The following PIK3C2G variants were observed in gnomAD, a reference collection of about 807,000 sequenced individuals.
PIK3C2G encodes phosphatidylinositol-4-phosphate 3-kinase catalytic subunit type 2 gamma.
In PIK3C2G, 168 loss-of-function variants were observed where a neutral mutation model predicts 181.1. The ratio of observed to expected loss-of-function variants is 0.93; its 90% CI spans 0.82 to 1.05. The LOEUF (loss-of-function observed/expected upper bound fraction) is 1.05. Ranked by LOEUF, PIK3C2G falls within the 50% of genes least tolerant of loss-of-function variation. The probability of loss-of-function intolerance (pLI) is 0.00; values close to 1 mark genes in which losing one functional copy is unlikely to be tolerated. For missense variants in PIK3C2G, 1,869 were observed against 1,732.8 expected, an observed-to-expected ratio of 1.08 and a Z score of -1.40; for synonymous variants, 573 against 592.2, an observed-to-expected ratio of 0.97 and a Z score of 0.47.
chr12:18,716,510 T>C, the PIK3C2G span, among the ~76,000 whole-genome samples: 1 of 152,216 alleles, frequency 6.6e-6, no homozygotes, highest in Non-Finnish European at 1.5e-5. Flanking sequence ...ACTCCACTAT[T>C]TAACTTTGAG....
At chr12:18,706,622 C>A in the PIK3C2G span, among the ~76,000 whole-genome samples, 2 of 152,208 alleles carry the variant, frequency 1.3e-5, no homozygotes, top group Non-Finnish European at 1.5e-5. Context: ...AACAAAACAT[C>A]ACTGGATCTT....
At chr12:18,545,316 C>T (rs1944365218) in intron 25 of PIK3C2G, among the ~76,000 whole-genome samples, 1 of 151,828 alleles carries the variant, frequency 6.6e-6, no homozygotes, top group Non-Finnish European at 1.5e-5. Context: ...AGTTTTTATA[C>T]CATTCTTTTT....
chr12:18,478,064 T>C (rs1394557811), intron 18 of PIK3C2G, among the ~76,000 whole-genome samples: 1 of 152,132 alleles, frequency 6.6e-6, no homozygotes, highest in Non-Finnish European at 1.5e-5. Context: ...GGAAACTTTA[T>C]GAAAAAGATG....
chr12:18,260,527 G>A (rs1948205340), upstream of PIK3C2G, among the ~76,000 whole-genome samples: 1 of 151,918 alleles, frequency 6.6e-6, no homozygotes, highest in Non-Finnish European at 1.5e-5. Flanking sequence ...CAAGGGTCAG[G>A]GGATGGTGTT....
chr12:18,251,134 C>T (rs538619842), intron 1 of PIK3C2G, among the ~76,000 whole-genome samples: 28 of 151,986 alleles, frequency 1.8e-4, no homozygotes, highest in Middle Eastern at 3.4e-3. Flanking sequence ...TAATAAATTT[C>T]GACTACAGTA....
intron 11 of PIK3C2G, among the ~76,000 whole-genome samples, chr12:18,348,437 A>G (rs140214036): frequency 1.3e-3 from 191 of 152,206 alleles, no homozygotes; most frequent in Admixed American, 4.5e-3. Flanking sequence ...TAATATTGTT[A>G]TATACAGGTA....
At chr12:18,354,140 A>G (rs1408263615) in intron 11 of PIK3C2G, among the ~76,000 whole-genome samples, 2 of 152,220 alleles carry the variant, frequency 1.3e-5, no homozygotes, top group African/African-American at 2.4e-5. Context: ...TCTTTCTAGG[A>G]GAGTTCAAAT....
At chr12:18,668,812 C>T in the PIK3C2G span, among the ~76,000 whole-genome samples, 5 of 152,286 alleles carry the variant, frequency 3.3e-5, no homozygotes, top group South Asian at 6.2e-4. Flanking sequence ...AGCTCTGATA[C>T]ATATCTACTC....
chr12:18,271,847 G>A (rs2137057670), intron 1 of PIK3C2G, among the ~76,000 whole-genome samples: 1 of 152,262 alleles, frequency 6.6e-6, no homozygotes, highest in African/African-American at 2.4e-5. Flanking sequence ...AAGTCCTTCA[G>A]TTTCATACAT....
At position 18,250,740 on chromosome 12, in the gene PIK3C2G, A is replaced by G. The variant is rs542667808; in HGVS notation, c.-79+2658A>G. On this transcript the variant is annotated intron_variant, in intron 1 of 11. Coordinates refer to the PIK3C2G transcript ENST00000535651. ...TAGAAAGTGCAATATTAAAAACAAA[A>G]TAAGCAAAAATATTAAGGGATATGT... is the stretch of plus-strand genomic sequence containing the variant. Among the ~76,000 whole-genome samples the G allele has an allele frequency of 3.9e-4, 60 of 152,192 alleles. 1 individual carries two copies. The highest frequency in any genetic ancestry group is 1.4e-3 in the African/African-American group (59 of 41,580).
the PIK3C2G span, among the ~76,000 whole-genome samples, chr12:18,662,910 A>G: frequency 6.6e-6 from 1 of 152,126 alleles, no homozygotes; most frequent in Non-Finnish European, 1.5e-5. Context: ...CATCAACTAA[A>G]CACAAAAAGA....
intron 30 of PIK3C2G, among the ~76,000 whole-genome samples, chr12:18,607,395 G>A (rs191615129): frequency 2.1e-4 from 32 of 152,034 alleles, no homozygotes; most frequent in South Asian, 1.5e-3. Flanking sequence ...AAATAATGCC[G>A]CTTATCTACA....
intron 5 of PIK3C2G, among the ~76,000 whole-genome samples, chr12:18,300,486 T>C (rs1950129785): frequency 6.6e-6 from 1 of 152,098 alleles, no homozygotes; most frequent in Admixed American, 6.6e-5. Context: ...TTTACATCCC[T>C]TCACTTTCAG....
Position 18,497,582 on chromosome 12 carries a change from A to G in PIK3C2G, c.2887-37A>G, listed in dbSNP as rs746286704. 20 of 1,571,818 alleles carry G rather than the reference A, an allele frequency of 1.3e-5. No homozygotes were observed. The South Asian group carries it at 2.2e-4, about 17-fold the overall frequency. On this transcript the variant is annotated intron_variant, in intron 21 of 32. Transcript: ENST00000538779. ...TGACTGCTTTTAATTAACAAATTCAAGGAAAAACCCAGGGTCTATAATTTT... is the reference window on the plus strand; with the variant it reads ...TGACTGCTTTTAATTAACAAATTCAGGGAAAAACCCAGGGTCTATAATTTT...
intron 19 of PIK3C2G, among the ~76,000 whole-genome samples, chr12:18,489,436 A>G (rs1940357749): frequency 6.6e-6 from 1 of 152,114 alleles, no homozygotes. Context: ...AAAATGATAT[A>G]AAAATAGTAG....
intron 5 of PIK3C2G, among the ~76,000 whole-genome samples, chr12:18,299,138 T>C (rs1565571005): frequency 6.6e-6 from 1 of 152,028 alleles, no homozygotes; most frequent in East Asian, 1.9e-4. Context: ...TTGGGTAGTA[T>C]GGTCAAAACA....
At chr12:18,426,824 T>C (rs1945842273) in intron 18 of PIK3C2G, among the ~76,000 whole-genome samples, 1 of 152,220 alleles carries the variant, frequency 6.6e-6, no homozygotes, top group Admixed American at 6.5e-5. Context: ...GATTTGATGC[T>C]TATTTTCATT....
chr12:18,649,054 T>G (rs1350735933), downstream of PIK3C2G, among the ~76,000 whole-genome samples: 1 of 152,128 alleles, frequency 6.6e-6, no homozygotes, highest in Non-Finnish European at 1.5e-5. Context: ...ATGGGCTCAT[T>G]TGAAATACGT....
At chr12:18,700,512 C>CAAAAAAAAAAGA in the PIK3C2G span, among the ~76,000 whole-genome samples, 1 of 67,896 alleles carries the variant, frequency 1.5e-5, no homozygotes, top group Non-Finnish European at 2.5e-5. Flanking sequence ...AGCCAACGTA[C>CAAAAAAAAAAGA]AAAAAAAAAA....
Sources: gnomAD v4.1 joint callset for allele counts (sites outside exome capture counted in the v4.1 genomes callset) on GRCh38, gnomAD v4.1.1 for gene constraint, MANE v1.5 for transcripts, NCBI Gene and HGNC (gene_info 2026-07-23, HGNC 2026-07-21) for gene names.